TIAM2: variants seen among roughly 807,000 people sequenced by gnomAD.
TIAM2 encodes the protein TIAM Rac1 associated GEF 2.
Under a neutral mutation model 152.9 loss-of-function variants are expected in TIAM2, and 80 were observed. The observed-to-expected ratio is 0.52, with a 90% CI of 0.44 to 0.63. The LOEUF is 0.63. TIAM2 is among the 30% of genes least tolerant of loss of function. The pLI, the probability that TIAM2 is intolerant of heterozygous loss-of-function variation, is 0.00. For missense variants in TIAM2, 1,965 were observed against 2,120.1 expected (o/e 0.93, Z 1.44); for synonymous variants, 804 against 838.0 (o/e 0.96, Z 0.70).
At position 155,129,625 on chromosome 6, in the gene TIAM2, C is replaced by T. The variant is rs182055144; in HGVS notation, c.402C>T (p.Asn134=). Residue 134 remains asparagine, a synonymous_variant, in exon 4 of 27, where the codon AAC becomes AAT. Coordinates refer to ENST00000682666, the MANE Select transcript of TIAM2 (RefSeq NM_012454.4). The surrounding 1 kb of genome is among the most constrained non-coding windows in gnomAD (Gnocchi z 4.8). ...ACCACATCACCTCCAGAGACTGCAA[C>T]GGACACCTTCTCAACTGCTACGGGA... is the stretch of plus-strand genomic sequence containing the variant. ...ADNHITSRDC[N]GHLLNCYGRN... 505 of 1,614,112 alleles carry T rather than the reference C, an allele frequency of 3.1e-4. 6 individuals carry two copies. The Admixed American group carries it at 7.7e-3, about 25-fold the overall frequency.
rs1377500462 is a variant in TIAM2, at chr6:155,247,872, G to C, written c.3653-128G>C. On this transcript the variant is annotated intron_variant, in intron 19 of 26. Transcript: ENST00000682666. ...GGGTGCCTGACCCACTGATGTGTTGGGGTTTTCATTAAAGAATGGCATTAG... is the reference window on the plus strand; with the variant it reads ...GGGTGCCTGACCCACTGATGTGTTGCGGTTTTCATTAAAGAATGGCATTAG... 5 of 1,202,994 alleles carry C rather than the reference G, an allele frequency of 4.2e-6. No individual in the cohort carries two copies. The African/African-American group carries it at 7.6e-5, about 18-fold the overall frequency. The allele number at this position is 1,202,994 out of a possible 1,614,324, so 74.5% of individuals were successfully genotyped here.
At chr6:155,220,391 G>T (rs1478220563) in intron 15 of TIAM2, among the ~76,000 whole-genome samples, 1 of 152,174 alleles carries the variant, frequency 6.6e-6, no homozygotes, top group Non-Finnish European at 1.5e-5. Flanking sequence ...GCAAGGCAGG[G>T]GGACTTGAGC....
At position 155,187,573 on chromosome 6, in the gene TIAM2, C is replaced by CTTTTTTTTTTTTTT. The variant is rs59818801; in HGVS notation, c.3064+4083_3064+4096dup. On this transcript the variant is annotated intron_variant, in intron 14 of 26. Transcript: ENST00000682666. ...AACCCCCCCTCCCCCACCCCGCCCC[C>CTTTTTTTTTTTTTT]TTTTTTTTTTTTTTTTTTTTTTTGA... Among the ~76,000 whole-genome samples, 25 of 49,622 alleles carry CTTTTTTTTTTTTTT rather than the reference C, an allele frequency of 5.0e-4. 1 individual carries two copies. The highest frequency in any genetic ancestry group is 1.8e-3 in the African/African-American group (23 of 12,664). The allele number at this position is 49,622 out of a possible 152,430, so 32.6% of individuals were successfully genotyped here. A position where few individuals can be genotyped will look rare whatever the true frequency, so the allele number is the denominator to read the frequency against.
chr6:155,097,296 G>A (rs1778436091), intron 2 of TIAM2, among the ~76,000 whole-genome samples: 1 of 151,992 alleles, frequency 6.6e-6, no homozygotes, highest in Non-Finnish European at 1.5e-5. Context: ...CCATTTTGTG[G>A]GTTGTCTCTT....
rs552677990 is a variant in TIAM2 at position 154,996,512 on chromosome 6, C to T, written c.-209+1020C>T. On this transcript the variant is annotated intron_variant, in intron 1 of 26. Transcript: ENST00000682666. Reference sequence around the variant, plus strand: ...GGTTATTCACACATTCTACCTTTTGCTCCCCAAATGATGCTGACCACCTTA... The same window carrying T: ...GGTTATTCACACATTCTACCTTTTGTTCCCCAAATGATGCTGACCACCTTA... 1.1e-4 allele frequency among the ~76,000 whole-genome samples: 17 copies of T among 152,294 alleles called. No individual in the cohort carries two copies. In the East Asian group the frequency reaches 2.7e-3, roughly 24 times the overall value.
At chr6:155,021,270 T>A (rs934682138) in intron 1 of TIAM2, among the ~76,000 whole-genome samples, 2 of 152,150 alleles carry the variant, frequency 1.3e-5, no homozygotes, top group Non-Finnish European at 2.9e-5. Flanking sequence ...ATGTCTTTTT[T>A]CTTTTTTTGA....
chr6:155,245,748 T>C lies in TIAM2; in HGVS notation c.3652+17T>C, dbSNP rs772336849. On this transcript the variant is annotated intron_variant, in intron 19 of 26. Coordinates refer to ENST00000682666, the MANE Select transcript of TIAM2 (RefSeq NM_012454.4). ...TGGAGCGAGGTAAGTTGCTTATGCC[T>C]TTTATAGTTTTTTTTTTTTTTTGCA... The C allele has an allele frequency of 3.7e-6, 5 of 1,359,044 alleles. No individual in the cohort carries two copies. The highest frequency in any genetic ancestry group is 4.9e-6 in the Non-Finnish European group (5 of 1,028,632). The allele number at this position is 1,359,044 out of a possible 1,614,324, so 84.2% of individuals were successfully genotyped here. A position where few individuals can be genotyped will look rare whatever the true frequency, so the allele number is the denominator to read the frequency against.
chr6:154,999,963 C>A (rs1055993648), intron 1 of TIAM2, among the ~76,000 whole-genome samples: 4 of 152,052 alleles, frequency 2.6e-5, no homozygotes, highest in African/African-American at 7.2e-5. Context: ...AGGTGTGAGC[C>A]ACCGCGCCCA....
At position 155,186,465 on chromosome 6, in the gene TIAM2, C is replaced by T. The variant is rs1465962679; in HGVS notation, c.3064+2965C>T. 6.6e-6 allele frequency among the ~76,000 whole-genome samples: 1 copy of T among 152,160 alleles called. No homozygotes were observed. The highest frequency in any genetic ancestry group is 2.4e-5 in the African/African-American group (1 of 41,422). On this transcript the variant is annotated intron_variant, in intron 14 of 26. Transcript: ENST00000682666. This position sits in a 1 kb window ranked among gnomAD's most constrained non-coding sequence, Gnocchi z 4.5. ...CCTTTGGGAATCTCGGGGTCACCTT[C>T]CAAATAAACTTCTGTACTCAAGTCC...
chr6:155,239,611 G>C (rs1171111603), intron 15 of TIAM2, among the ~76,000 whole-genome samples: 2 of 152,242 alleles, frequency 1.3e-5, no homozygotes, highest in Non-Finnish European at 2.9e-5. Flanking sequence ...TGGTGCTTCT[G>C]TCTGAATAGG....
intron 9 of TIAM2, among the ~76,000 whole-genome samples, chr6:155,172,117 A>C (rs1780598671): frequency 6.6e-6 from 1 of 152,168 alleles, no homozygotes; most frequent in Non-Finnish European, 1.5e-5. Flanking sequence ...ATGTAATAAT[A>C]ATAATAATAA....
Position 155,148,351 on chromosome 6 carries a change from C to G in TIAM2, c.2028+17C>G, listed in dbSNP as rs774295484. 2 of 1,603,892 alleles carry G rather than the reference C, an allele frequency of 1.2e-6. No individual in the cohort carries two copies. The highest frequency in any genetic ancestry group is 2.2e-5 in the South Asian group (2 of 89,802). ...GAGAACCAGGTACTGTTTGTCTACA[C>G]CTGAGTTTTCTTCCATTGCTCATGT... On this transcript the variant is annotated intron_variant, in intron 7 of 26. Transcript: ENST00000682666.
At chr6:155,031,301 G>A (rs1776816238) in intron 1 of TIAM2, among the ~76,000 whole-genome samples, 1 of 152,148 alleles carries the variant, frequency 6.6e-6, no homozygotes, top group African/African-American at 2.4e-5. Flanking sequence ...TATAAATCCA[G>A]GTGAGTCTTT....
At chr6:154,999,820 A>T (rs1778283781) in intron 1 of TIAM2, among the ~76,000 whole-genome samples, 1 of 152,082 alleles carries the variant, frequency 6.6e-6, no homozygotes, top group African/African-American at 2.4e-5. Flanking sequence ...CTGGGATTAC[A>T]GGTACGTGCC....
chr6:155,157,162 A>C (rs1217352492), intron 7 of TIAM2, among the ~76,000 whole-genome samples: 1 of 152,174 alleles, frequency 6.6e-6, no homozygotes, highest in Non-Finnish European at 1.5e-5. Flanking sequence ...TCGTCTGTCC[A>C]GGGATGCTGT....
intron 1 of TIAM2, among the ~76,000 whole-genome samples, chr6:155,054,349 G>A (rs1289737698): frequency 1.3e-5 from 2 of 152,108 alleles, no homozygotes; most frequent in African/African-American, 2.4e-5. Flanking sequence ...GGATGATGGC[G>A]TCCAATGAAG....
chr6:155,140,881 C>T (rs1283930924), intron 5 of TIAM2, among the ~76,000 whole-genome samples: 1 of 152,118 alleles, frequency 6.6e-6, no homozygotes, highest in Admixed American at 6.5e-5. Flanking sequence ...AAAGATGCTC[C>T]CTTTTTGATT....
At chr6:155,200,280 G>T (rs954003434) in intron 14 of TIAM2, among the ~76,000 whole-genome samples, 1 of 152,220 alleles carries the variant, frequency 6.6e-6, no homozygotes, top group East Asian at 1.9e-4. Flanking sequence ...TCATAGCTTC[G>T]CTATCTATTC....
intron 15 of TIAM2, chr6:155,232,638 T>C (rs1009697016): frequency 1.1e-4 from 16 of 152,244 alleles, no homozygotes; most frequent in African/African-American, 3.4e-4. Context: ...TCCAGGCTGA[T>C]GGCTCAGCAC....
Sources: gnomAD v4.1 joint callset for allele counts (sites outside exome capture counted in the v4.1 genomes callset) on GRCh38, gnomAD v4.1.1 for gene constraint, Gnocchi (gnomAD v3.1) non-coding constraint, MANE v1.5 for transcripts, NCBI Gene and HGNC (gene_info 2026-07-23, HGNC 2026-07-21) for gene names.